The following KHDRBS2 variants were observed in gnomAD, a reference collection of about 807,000 sequenced individuals.
KHDRBS2 encodes KH domain-containing, RNA-binding, signal transduction-associated protein 2.
Under a neutral mutation model 44.3 loss-of-function variants are expected in KHDRBS2, and 26 were observed. That is an observed-to-expected ratio of 0.59 (90% CI 0.43 to 0.81). The LOEUF (loss-of-function observed/expected upper bound fraction) is 0.81, where lower values mean the gene tolerates loss of function less well. KHDRBS2 is among the 40% of genes least tolerant of loss of function. The pLI, the probability that KHDRBS2 is intolerant of heterozygous loss-of-function variation, is 0.00. For missense variants in KHDRBS2, 476 were observed against 433.1 expected (o/e 1.10, Z -0.88); for synonymous variants, 194 against 151.1 (o/e 1.28, Z -2.08).
chr6:61,612,294 G>C, the KHDRBS2 span, among the ~76,000 whole-genome samples: 2 of 152,146 alleles, frequency 1.3e-5, no homozygotes, highest in Non-Finnish European at 2.9e-5. Flanking sequence ...AACATGGAAA[G>C]CTCAGATAAC....
intron 8 of KHDRBS2, among the ~76,000 whole-genome samples, chr6:61,691,381 G>T (rs919515584): frequency 4.6e-5 from 7 of 151,966 alleles, no homozygotes; most frequent in African/African-American, 1.4e-4. Context: ...AGCAAAAAGA[G>T]AAAGCTAATT....
intron 1 of KHDRBS2, among the ~76,000 whole-genome samples, chr6:62,222,229 A>G (rs1357825618): frequency 6.6e-6 from 1 of 151,744 alleles, no homozygotes; most frequent in Non-Finnish European, 1.5e-5. Flanking sequence ...AGGGAGGGAG[A>G]GAGAGACAGA....
intron 6 of KHDRBS2, among the ~76,000 whole-genome samples, chr6:61,892,752 C>T (rs975776658): frequency 3.9e-5 from 6 of 152,102 alleles, no homozygotes; most frequent in African/African-American, 9.7e-5. Flanking sequence ...AAAATTAATT[C>T]GAGATGGATT....
At chr6:62,217,728 G>GT (rs1202896521) in intron 1 of KHDRBS2, among the ~76,000 whole-genome samples, 1 of 151,740 alleles carries the variant, frequency 6.6e-6, no homozygotes, top group East Asian at 1.9e-4. Context: ...AACATAAGTT[G>GT]TTTTTTATAA....
At chr6:61,784,031 C>A (rs1031949625) in intron 6 of KHDRBS2, among the ~76,000 whole-genome samples, 1 of 151,800 alleles carries the variant, frequency 6.6e-6, no homozygotes, top group African/African-American at 2.4e-5. Context: ...AGTAAGTTTT[C>A]TTTAATTCAG....
intron 3 of KHDRBS2, among the ~76,000 whole-genome samples, chr6:61,987,204 G>A (rs2127240447): frequency 6.6e-6 from 1 of 152,238 alleles, no homozygotes; most frequent in East Asian, 1.9e-4. Flanking sequence ...TATAACAGTA[G>A]TAACACAAGA....
At chr6:62,097,355 G>C (rs1380480621) in intron 2 of KHDRBS2, among the ~76,000 whole-genome samples, 1 of 151,818 alleles carries the variant, frequency 6.6e-6, no homozygotes, top group Non-Finnish European at 1.5e-5. Context: ...TATTGCATTT[G>C]ACTATTTCTC....
At chr6:61,762,590 C>A (rs1464831796) in intron 6 of KHDRBS2, among the ~76,000 whole-genome samples, 1 of 152,198 alleles carries the variant, frequency 6.6e-6, no homozygotes, top group Non-Finnish European at 1.5e-5. Flanking sequence ...TCTGCACATG[C>A]TGGCTACTCT....
At chr6:61,610,982 C>CTGA in the KHDRBS2 span, among the ~76,000 whole-genome samples, 17 of 152,140 alleles carry the variant, frequency 1.1e-4, no homozygotes, top group African/African-American at 4.1e-4. Context: ...TGATATCTTT[C>CTGA]TGATGGAGAA....
At chr6:61,806,634 TGA>T (rs1309328524) in intron 6 of KHDRBS2, among the ~76,000 whole-genome samples, 1 of 87,390 alleles carries the variant, frequency 1.1e-5, no homozygotes, top group Non-Finnish European at 2.2e-5. Flanking sequence ...TATACGGGTC[TGA>T]TTTCCCAAAT....
chr6:62,098,254 T>G (rs1256223756), intron 2 of KHDRBS2, among the ~76,000 whole-genome samples: 1 of 151,774 alleles, frequency 6.6e-6, no homozygotes, highest in Non-Finnish European at 1.5e-5. Context: ...GTTTTTTTTT[T>G]TTTTTTTGTT....
intron 2 of KHDRBS2, among the ~76,000 whole-genome samples, chr6:62,058,326 T>C (rs186614886): frequency 6.6e-6 from 1 of 151,914 alleles, no homozygotes; most frequent in African/African-American, 2.4e-5. Flanking sequence ...AATTCCATCA[T>C]TCGTTGATAC....
At chr6:61,991,133 C>T (rs1776067744) in intron 3 of KHDRBS2, among the ~76,000 whole-genome samples, 1 of 152,016 alleles carries the variant, frequency 6.6e-6, no homozygotes, top group South Asian at 2.1e-4. Context: ...GATATTCTTC[C>T]AGGAAATACA....
intron 6 of KHDRBS2, among the ~76,000 whole-genome samples, chr6:61,782,738 T>TATACAC (rs1554206170): frequency 2.8e-4 from 33 of 117,848 alleles, no homozygotes; most frequent in African/African-American, 6.5e-4. Context: ...TATATATATA[T>TATACAC]ACACACACAC....
chr6:61,886,540 G>A (rs1800982693), intron 6 of KHDRBS2, among the ~76,000 whole-genome samples: 2 of 150,060 alleles, frequency 1.3e-5, no homozygotes, highest in African/African-American at 4.9e-5. Flanking sequence ...CTTATTATAT[G>A]CTGTGTTCTA....
chr6:61,880,042 AT>A (rs1406373824), intron 6 of KHDRBS2, among the ~76,000 whole-genome samples: 1 of 152,002 alleles, frequency 6.6e-6, no homozygotes, highest in South Asian at 2.1e-4. Context: ...TAATTTTTAG[AT>A]TTTTTGAGGC....
At chr6:62,081,196 A>T (rs1351362015) in intron 2 of KHDRBS2, among the ~76,000 whole-genome samples, 1 of 152,170 alleles carries the variant, frequency 6.6e-6, no homozygotes, top group Non-Finnish European at 1.5e-5. Context: ...TATGTAATAG[A>T]TGAAAATGTC....
At chr6:61,778,637 T>A (rs1341785305) in intron 6 of KHDRBS2, among the ~76,000 whole-genome samples, 1 of 152,156 alleles carries the variant, frequency 6.6e-6, no homozygotes, top group African/African-American at 2.4e-5. Context: ...GCACAGATGA[T>A]TCCTCTTTCC....
At chr6:62,161,948 T>C (rs1378014465) in intron 2 of KHDRBS2, among the ~76,000 whole-genome samples, 2 of 152,058 alleles carry the variant, frequency 1.3e-5, no homozygotes, top group African/African-American at 4.8e-5. Context: ...TGTCACAAAA[T>C]TACATCTTTA....
Sources: allele counts gnomAD v4.1 joint callset (sites outside exome capture counted in the v4.1 genomes callset), GRCh38; gene constraint gnomAD v4.1.1; transcripts MANE v1.5; gene names NCBI Gene and HGNC (gene_info 2026-07-23, HGNC 2026-07-21).